The following OR4Q3 variants were observed in gnomAD, a reference collection of about 807,000 sequenced individuals.
OR4Q3 encodes olfactory receptor 4Q3.
Under a neutral mutation model 18.8 loss-of-function variants are expected in OR4Q3, and 17 were observed. That is an observed-to-expected ratio of 0.91 (90% confidence interval 0.62 to 1.36). The LOEUF is 1.36. Ranked by LOEUF, OR4Q3 falls within the 40% of genes most tolerant of loss-of-function variation. OR4Q3 has a pLI of 0.00. For missense variants in OR4Q3, 378 were observed against 373.4 expected (o/e 1.01, Z -0.10); for synonymous variants, 158 against 145.8 (o/e 1.08, Z -0.60).
At chr14:19,747,167 T>A in intron 1 of OR4Q3, among the ~76,000 whole-genome samples, 2 of 152,344 alleles carry the variant, frequency 1.3e-5, no homozygotes, top group Non-Finnish European at 2.9e-5. Flanking sequence ...AATGTCCACG[T>A]CATTGTGTTT....
downstream of OR4Q3, among the ~76,000 whole-genome samples, chr14:19,750,913 G>A: frequency 3.3e-5 from 5 of 152,212 alleles, no homozygotes; most frequent in Admixed American, 1.3e-4. Context: ...ATGATATCCC[G>A]AAGATAATAT....
At chr14:19,749,884 TTCTTTCTTTCTTTCTTTCTTTCTTTTTTC>T, downstream of OR4Q3, among the ~76,000 whole-genome samples, 5 of 27,208 alleles carry the variant, frequency 1.8e-4, no homozygotes, top group Admixed American at 7.8e-4. Context: ...CTTTCTTTCT[TTCTTTCTTTCTTTCTTTCTTTCTTTTTTC>T]TTTCTTTCTT....
At chr14:19,745,561 T>TA in intron 1 of OR4Q3, among the ~76,000 whole-genome samples, 10 of 152,258 alleles carry the variant, frequency 6.6e-5, no homozygotes, top group East Asian at 1.9e-4. Flanking sequence ...CTTTTTTAAT[T>TA]AAAAAAATAA....
chr14:19,748,151 G>A, exon 2 of OR4Q3: 2 of 1,614,082 alleles, frequency 1.2e-6, no homozygotes, highest in Non-Finnish European at 1.7e-6. Flanking sequence ...CTCTACCTGT[G>A]CTTCTCACCT....
At chr14:19,751,266 G>A, downstream of OR4Q3, among the ~76,000 whole-genome samples, 4 of 152,296 alleles carry the variant, frequency 2.6e-5, no homozygotes, top group East Asian at 3.9e-4. Context: ...TTGATGTGCC[G>A]CTGAATTTGG....
exon 2 of OR4Q3, chr14:19,748,387 T>C: frequency 6.4e-7 from 1 of 1,555,372 alleles, no homozygotes; most frequent in South Asian, 1.2e-5. Flanking sequence ...GCAGAAGAGG[T>C]GATTTGAAAA....
At chr14:19,751,153 A>G, downstream of OR4Q3, among the ~76,000 whole-genome samples, 1 of 152,360 alleles carries the variant, frequency 6.6e-6, no homozygotes, top group South Asian at 2.1e-4. Context: ...AATTGGTAGC[A>G]TTATTTTAAG....
downstream of OR4Q3, among the ~76,000 whole-genome samples, chr14:19,749,898 C>CTT: frequency 4.5e-5 from 1 of 22,090 alleles, no homozygotes; most frequent in African/African-American, 8.0e-5. Context: ...TTCTTTCTTT[C>CTT]TTTCTTTCTT....
intron 1 of OR4Q3, among the ~76,000 whole-genome samples, chr14:19,745,854 A>C: frequency 6.6e-6 from 1 of 152,160 alleles, no homozygotes. Context: ...TGACTCTAGA[A>C]AGTGAGGTGA....
chr14:19,749,249 T>C, exon 2 of OR4Q3: 1 of 152,258 alleles, frequency 6.6e-6, no homozygotes, highest in African/African-American at 2.4e-5. Flanking sequence ...GAGGAATAAA[T>C]TTACTTAACT....
chr14:19,748,834 A>G, exon 2 of OR4Q3: 1 of 165,162 alleles, frequency 6.1e-6, no homozygotes, highest in Non-Finnish European at 1.3e-5. Flanking sequence ...TTGTTCTGTT[A>G]TAACAAAGCC....
downstream of OR4Q3, among the ~76,000 whole-genome samples, chr14:19,751,524 G>T: frequency 4.7e-5 from 7 of 150,496 alleles, no homozygotes; most frequent in African/African-American, 1.7e-4. Flanking sequence ...GCTTTTTTTG[G>T]TTAGTAGAGT....
intron 1 of OR4Q3, among the ~76,000 whole-genome samples, chr14:19,745,655 C>T: frequency 1.3e-5 from 2 of 152,108 alleles, no homozygotes; most frequent in Non-Finnish European, 2.9e-5. Flanking sequence ...AGACTTGACC[C>T]CTGTTAATTA....
intron 1 of OR4Q3, 55 bp from the exon 2 acceptor site, chr14:19,747,351 G>A: frequency 1.0e-6 from 1 of 960,210 alleles, no homozygotes; most frequent in East Asian, 2.4e-5. Flanking sequence ...TGTATATAGT[G>A]TACACATATA....
downstream of OR4Q3, among the ~76,000 whole-genome samples, chr14:19,750,147 G>A: frequency 6.6e-6 from 1 of 152,016 alleles, no homozygotes. Flanking sequence ...ACCATGCCTG[G>A]CTAATTTTTG....
chr14:19,752,026 A>G, downstream of OR4Q3, among the ~76,000 whole-genome samples: 1 of 152,252 alleles, frequency 6.6e-6, no homozygotes, highest in Admixed American at 6.5e-5. Flanking sequence ...AATTAACAGG[A>G]TAGATTAAAG....
chr14:19,747,702 G>T, exon 2 of OR4Q3: 2 of 1,613,988 alleles, frequency 1.2e-6, no homozygotes, highest in Admixed American at 3.3e-5. Flanking sequence ...CAGGGCAAGA[G>T]CATCTCTTTT....
At chr14:19,744,706 C>T (rs1397755258) in intron 1 of OR4Q3, among the ~76,000 whole-genome samples, 2 of 152,122 alleles carry the variant, frequency 1.3e-5, no homozygotes, top group African/African-American at 2.4e-5. Context: ...ACATGAAATG[C>T]TTGATAAGGT....
chr14:19,750,323 A>G, downstream of OR4Q3, among the ~76,000 whole-genome samples: 1 of 152,228 alleles, frequency 6.6e-6, no homozygotes, highest in Non-Finnish European at 1.5e-5. Context: ...TAGGAGCTTC[A>G]GAGCTGGAAA....
Sources: gnomAD v4.1 joint callset for allele counts (sites outside exome capture counted in the v4.1 genomes callset) on GRCh38, gnomAD v4.1.1 for gene constraint, MANE v1.5 for transcripts, NCBI Gene and HGNC (gene_info 2026-07-23, HGNC 2026-07-21) for gene names.